THY1: variants seen among roughly 807,000 people sequenced by gnomAD.
THY1 encodes Thy-1 cell surface antigen.
A neutral mutation model predicts 14.9 loss-of-function variants in THY1; 10 were observed. The observed-to-expected ratio is 0.67, with a 90% confidence interval of 0.41 to 1.14. THY1 has a LOEUF of 1.14. THY1 is among the 50% of genes most tolerant of loss of function. THY1 has a pLI of 0.00. For missense variants in THY1, 159 were observed against 202.1 expected, an observed-to-expected ratio of 0.79 and a Z score of 1.29; for synonymous variants, 80 against 90.0, an observed-to-expected ratio of 0.89 and a Z score of 0.63.
Position 119,419,513 on chromosome 11 carries a change from C to G in THY1, c.381G>C (p.Leu127=), listed in dbSNP as rs1474407226. 1 of 1,612,912 alleles carries G rather than the reference C, an allele frequency of 6.2e-7. No individual in the cohort carries two copies. The highest frequency in any genetic ancestry group is 2.2e-5 in the East Asian group (1 of 44,870). The change falls in exon 4 of 4, where the codon CTG becomes CTC. Residue 127 remains leucine, a synonymous_variant. Transcript: ENST00000284240. Reference sequence around the variant, plus strand: ...GCAGGCTGATGCCCTCACACTTGACCAGTTTGTCTGCAGAAAGAGAAGGGG... The same window carrying G: ...GCAGGCTGATGCCCTCACACTTGACGAGTTTGTCTGCAGAAAGAGAAGGGG... ...SQNVTVLRDK[L]VKCEGISLLA... is the part of the protein sequence containing the mutation.
rs1475956187 is a variant in THY1 at position 119,419,375 on chromosome 11, G to A, written c.*33C>T. 6.3e-7 allele frequency: 1 copy of A among 1,588,590 alleles called. No individual in the cohort carries two copies. On this transcript the variant is annotated 3_prime_UTR_variant, in exon 4 of 4. Coordinates refer to ENST00000284240, the MANE Select transcript of THY1 (RefSeq NM_006288.5). Reference sequence around the variant, plus strand: ...AAGTAGGATCTCTGCACTGGAACTTGAGGCTTCCTGTCTCCTCCATGGGCC... The same window carrying A: ...AAGTAGGATCTCTGCACTGGAACTTAAGGCTTCCTGTCTCCTCCATGGGCC...
At position 119,416,412 on chromosome 11, in the gene THY1, C is replaced by T. The variant is rs768888185; in HGVS notation, c.*2996G>A. Among the ~76,000 whole-genome samples, 24 of 152,246 alleles carry T rather than the reference C, an allele frequency of 1.6e-4. No individual in the cohort carries two copies. Among genetic ancestry groups the T allele is most frequent in the Non-Finnish European group, 3.1e-4 (21 of 68,044 alleles). The stretch of plus-strand genomic sequence containing the variant: ...ACCAGGGAGGGACCCACGGCTGTCG[C>T]GGCCTGTGGCTGAAAGTCTGCGGGC... On this transcript the variant is annotated 3_prime_UTR_variant, in exon 4 of 4. Coordinates refer to ENST00000284240, the MANE Select transcript of THY1 (RefSeq NM_006288.5).
In THY1 at chr11:119,418,127, G is replaced by A. The variant is rs920883624; in HGVS notation, c.*1281C>T. On this transcript the variant is annotated 3_prime_UTR_variant, in exon 4 of 4. Transcript: ENST00000284240. Reference sequence around the variant, plus strand: ...TCACCCGTGGAGACCCCAGCGAAGCGGGGGCAGGCAGGCACTGCTGGAGGA... The same window carrying A: ...TCACCCGTGGAGACCCCAGCGAAGCAGGGGCAGGCAGGCACTGCTGGAGGA... The A allele has an allele frequency of 5.2e-5, 8 of 152,510 alleles. No homozygotes were observed. Among genetic ancestry groups the A allele is most frequent in the Non-Finnish European group, 8.8e-5 (6 of 68,258 alleles). 9.4% of individuals were successfully genotyped at this position (152,510 alleles called of 1,614,324 possible).
Position 119,420,176 on chromosome 11 carries a change from T to A in THY1, c.248A>T (p.Lys83Ile), listed in dbSNP as rs1356517905. 1 of 1,614,242 alleles carries A rather than the reference T, an allele frequency of 6.2e-7. No homozygotes were observed. Among genetic ancestry groups the A allele is most frequent in the Non-Finnish European group, 8.5e-7 (1 of 1,180,040 alleles). Reference protein sequence around the residue: ...TYRSRTNFTSKYNMKVLYLSA... With the variant: ...TYRSRTNFTSIYNMKVLYLSA... The stretch of plus-strand genomic sequence containing the variant: ...TAAGTAGAGGACCTTCATGTTGTAT[T>A]TGCTGGTGAAGTTGGTTCGGGAGCG... The change falls in exon 3 of 4, where the codon AAA becomes ATA. Residue 83 changes from lysine to isoleucine, a missense_variant. Physicochemically the swap from Lys to Ile is moderately radical, Grantham distance 102. Transcript: ENST00000284240.
In THY1 at chr11:119,419,762, C is replaced by A. The variant is rs908461977; in HGVS notation, c.374-242G>T. 3 of 597,620 alleles carry A rather than the reference C, an allele frequency of 5.0e-6. No homozygotes were observed. The Admixed American group carries it at 9.0e-5, about 18-fold the overall frequency. 37.0% of individuals were successfully genotyped at this position (597,620 alleles called of 1,614,324 possible). ...CTAAACATCATGACAAGAAAACTGG[C>A]TGAGGGAGGTGGTGTCATCCCTGTT... On this transcript the variant is annotated intron_variant, in intron 3 of 3. Coordinates refer to ENST00000284240, the MANE Select transcript of THY1 (RefSeq NM_006288.5).
Position 119,420,235 on chromosome 11 carries a change from G to A in THY1, c.189C>T (p.Leu63=). The change falls in exon 3 of 4, where the codon CTC becomes CTT. Residue 63 remains leucine, a synonymous_variant. Transcript: ENST00000284240. The part of the protein sequence containing the change: ...SLTRETKKHV[L]FGTVGVPEHT... ...GCTCAGGCACCCCCACAGTGCCAAA[G>A]AGCACGTGCTTCTTTGTCTCACGGG... is the stretch of plus-strand genomic sequence containing the variant. 6.2e-7 allele frequency: 1 copy of A among 1,614,272 alleles called. No individual in the cohort carries two copies. The highest frequency in any genetic ancestry group is 8.5e-7 in the Non-Finnish European group (1 of 1,180,046).
chr11:119,424,385 G>T (rs1356006697), upstream of THY1, among the ~76,000 whole-genome samples: 1 of 152,168 alleles, frequency 6.6e-6, no homozygotes, highest in African/African-American at 2.4e-5. Context: ...ACGACATTCT[G>T]TGGGCCTCCC....
At position 119,418,665 on chromosome 11, in the gene THY1, AG is replaced by A. The variant is rs1416092332; in HGVS notation, c.*742del. 1 of 152,682 alleles carries A rather than the reference AG, an allele frequency of 6.5e-6. No homozygotes were observed. The highest frequency in any genetic ancestry group is 2.4e-5 in the African/African-American group (1 of 41,434). The allele number at this position is 152,682 out of a possible 1,614,324, so 9.5% of individuals were successfully genotyped here. A position where few individuals can be genotyped will look rare whatever the true frequency, so the allele number is the denominator to read the frequency against. ...GGCCATGCTTTTAGCTTCCTTAGGC[AG>A]GGAGGGATGATGAACCCTCATCCTT... On this transcript the variant is annotated 3_prime_UTR_variant, in exon 4 of 4. Coordinates refer to ENST00000284240, the MANE Select transcript of THY1 (RefSeq NM_006288.5).
chr11:119,420,716 G>A (rs144968029), intron 2 of THY1, 153 bp downstream of exon 2: 7 of 962,744 alleles, frequency 7.3e-6, no homozygotes, highest in Admixed American at 2.2e-5. Context: ...CAGGCCGTCA[G>A]AATATCAGCG....
Position 119,423,143 on chromosome 11 carries a change from C to T in THY1, c.-55G>A, listed in dbSNP as rs1433844422. The T allele has an allele frequency of 4.4e-6, 2 of 455,950 alleles. No individual in the cohort carries two copies. Among genetic ancestry groups the T allele is most frequent in the Admixed American group, 4.7e-5 (2 of 42,560 alleles). 28.2% of individuals were successfully genotyped at this position (455,950 alleles called of 1,614,324 possible). A position where few individuals can be genotyped will look rare whatever the true frequency, so the allele number is the denominator to read the frequency against. The stretch of plus-strand genomic sequence containing the variant: ...CTGGGGTCTTCCGCTGCTGCAGCCT[C>T]CTCCAGACGCGCCGCCGCCTCCGGT... On this transcript the variant is annotated 5_prime_UTR_variant, in exon 1 of 4. Transcript: ENST00000284240.
intron 2 of THY1, 198 bp from the exon 3 acceptor site, chr11:119,420,584 A>G (rs1861880805): frequency 4.7e-6 from 3 of 640,458 alleles, no homozygotes; most frequent in Non-Finnish European, 8.0e-6. Context: ...CTTGGATCCT[A>G]TCAATGTGTT....
In THY1 at chr11:119,417,893, A is replaced by G. The variant is rs1861808535; in HGVS notation, c.*1515T>C. 6.6e-6 allele frequency: 1 copy of G among 152,306 alleles called. No individual in the cohort carries two copies. Among genetic ancestry groups the G allele is most frequent in the South Asian group, 2.1e-4 (1 of 4,828 alleles). The allele number at this position is 152,306 out of a possible 1,614,324, so 9.4% of individuals were successfully genotyped here. ...ACTTGTGCATTCCAGAGCCAGGGCC[A>G]TGTGGTTCGGCCCACATGTTGGCAG... On this transcript the variant is annotated 3_prime_UTR_variant, in exon 4 of 4. Coordinates refer to ENST00000284240, the MANE Select transcript of THY1 (RefSeq NM_006288.5).
intron 2 of THY1, 23 bp from the exon 3 acceptor site, chr11:119,420,409 C>A: frequency 6.3e-7 from 1 of 1,589,010 alleles, no homozygotes; most frequent in South Asian, 1.1e-5. Flanking sequence ...GTGCCTCCTT[C>A]AAACTGGAGG....
At chr11:119,421,317 A>C (rs1054405653) in intron 1 of THY1, 4 of 164,636 alleles carry the variant, frequency 2.4e-5, no homozygotes, top group Non-Finnish European at 5.2e-5. Flanking sequence ...AAAAAGCATA[A>C]TAATTACTAT....
Position 119,420,296 on chromosome 11 carries a change from G to T in THY1, c.128C>A (p.Thr43Asn), listed in dbSNP as rs751229266. ...CTCGTACTGGATGGGTGAACTGCTG[G>T]TATTCTCATGGCGGCAGTCCAGACG... ...SLRLDCRHEN[T>N]SSSPIQYEFS... The change falls in exon 3 of 4, where the codon ACC (threonine) becomes AAC (asparagine). Residue 43 changes from threonine to asparagine, a missense_variant. Physicochemically the swap from Thr to Asn is moderately conservative, Grantham distance 65. Coordinates refer to ENST00000284240, the MANE Select transcript of THY1 (RefSeq NM_006288.5). The T allele has an allele frequency of 1.9e-6, 3 of 1,614,122 alleles. No individual in the cohort carries two copies. The East Asian group carries it at 6.7e-5, about 36-fold the overall frequency.
upstream of THY1, chr11:119,423,563 G>C: frequency 4.7e-6 from 1 of 214,084 alleles, no homozygotes; most frequent in Middle Eastern, 1.9e-3. Context: ...ATGCAGGCCG[G>C]GAGCGCCCAC....
At chr11:119,419,649 A>C (rs1445303322) in intron 3 of THY1, 129 bp from the exon 4 acceptor site, 30 of 710,740 alleles carry the variant, frequency 4.2e-5, no homozygotes, top group Non-Finnish European at 6.7e-5. Context: ...AGCTGGGACC[A>C]GGAACAGCCC....
In THY1 at chr11:119,423,141, C is replaced by A. The variant is rs775117355; in HGVS notation, c.-53G>T. The A allele has an allele frequency of 4.4e-6, 2 of 456,076 alleles. No individual in the cohort carries two copies. Among genetic ancestry groups the A allele is most frequent in the Admixed American group, 4.7e-5 (2 of 42,590 alleles). 28.3% of individuals were successfully genotyped at this position (456,076 alleles called of 1,614,324 possible). A position where few individuals can be genotyped will look rare whatever the true frequency, so the allele number is the denominator to read the frequency against. On this transcript the variant is annotated 5_prime_UTR_variant, in exon 1 of 4. The change creates a new upstream start codon in the 5' untranslated region. Transcript: ENST00000284240. ...GACTGGGGTCTTCCGCTGCTGCAGC[C>A]TCCTCCAGACGCGCCGCCGCCTCCG...
Position 119,423,157 on chromosome 11 carries a change from G to A in THY1, c.-69C>T, listed in dbSNP as rs1301858965. On this transcript the variant is annotated 5_prime_UTR_variant, in exon 1 of 4. Coordinates refer to ENST00000284240, the MANE Select transcript of THY1 (RefSeq NM_006288.5). ...TGCTGCAGCCTCCTCCAGACGCGCC[G>A]CCGCCTCCGGTTGCTGCACCCAGCT... 6.6e-6 allele frequency: 3 copies of A among 455,738 alleles called. No individual in the cohort carries two copies. The highest frequency in any genetic ancestry group is 6.0e-5 in the African/African-American group (3 of 50,040). 28.2% of individuals were successfully genotyped at this position (455,738 alleles called of 1,614,324 possible). A position where few individuals can be genotyped will look rare whatever the true frequency, so the allele number is the denominator to read the frequency against.
Sources: gnomAD v4.1 joint callset for allele counts (sites outside exome capture counted in the v4.1 genomes callset) on GRCh38, gnomAD v4.1.1 for gene constraint, MANE v1.5 for transcripts, NCBI Gene and HGNC (gene_info 2026-07-23, HGNC 2026-07-21) for gene names.